Variants in LAMP3 observed in about 807,000 individuals in gnomAD.
LAMP3 encodes lysosome-associated membrane glycoprotein 3.
In LAMP3, 26 loss-of-function variants were observed where a neutral mutation model predicts 34.8. The observed-to-expected ratio is 0.75, with a 90% CI of 0.55 to 1.04. The LOEUF (loss-of-function observed/expected upper bound fraction) is 1.04. LAMP3 is among the 50% of genes least tolerant of loss of function. LAMP3 has a pLI of 0.00. For synonymous variants in LAMP3, 180 were observed against 201.9 expected, an observed-to-expected ratio of 0.89 and a Z score of 0.92; for missense variants, 495 against 524.0, an observed-to-expected ratio of 0.94 and a Z score of 0.54.
At position 183,154,000 on chromosome 3, in the gene LAMP3, G is replaced by A. The variant is rs950454678; in HGVS notation, c.441C>T (p.Thr147=). 6.2e-7 allele frequency: 1 copy of A among 1,614,182 alleles called. No homozygotes were observed. Among genetic ancestry groups the A allele is most frequent in the Non-Finnish European group, 8.5e-7 (1 of 1,180,038 alleles). The part of the protein sequence containing the change: ...TITPPAHTTG[T]SSSTVSHTTG... The stretch of plus-strand genomic sequence containing the variant: ...TTGTGTGGCTGACGGTTGATGAACT[G>A]GTTCCAGTTGTATGAGCTGGTGGGG... The change falls in exon 2 of 6, where the codon ACC becomes ACT. Residue 147 remains threonine (T), a synonymous_variant. Transcript: ENST00000265598.
chr3:183,130,557 C>T (rs1250359701), intron 5 of LAMP3, among the ~76,000 whole-genome samples: 5 of 152,180 alleles, frequency 3.3e-5, no homozygotes, highest in Admixed American at 6.5e-5. Flanking sequence ...CATGCTTGAG[C>T]GTGGCAGTCG....
At position 183,153,879 on chromosome 3, in the gene LAMP3, G is replaced by T; in HGVS notation, c.562C>A (p.Pro188Thr). ...GCCGTTGTTCCTGGGGCATGGGTGG[G>T]TTGAACAGGCTTCTGACCGGTTGTG... The part of the protein sequence containing the change: ...KSTTGQKPVQ[P>T]THAPGTTAAA... Residue 188 changes from proline to threonine, a missense_variant, in exon 2 of 6, where the codon CCC becomes ACC. Coordinates refer to ENST00000265598, the MANE Select transcript of LAMP3 (RefSeq NM_014398.4). 6.2e-7 allele frequency: 1 copy of T among 1,613,996 alleles called. No individual in the cohort carries two copies. The highest frequency in any genetic ancestry group is 1.6e-4 in the Middle Eastern group (1 of 6,062).
chr3:183,154,263 G>A lies in LAMP3; in HGVS notation c.178C>T (p.Pro60Ser). The change falls in exon 2 of 6, where the codon CCT (proline) becomes TCT (serine). Residue 60 changes from proline (P) to serine (S), a missense_variant. Pro to Ser is a moderately conservative substitution (Grantham distance 74). Coordinates refer to ENST00000265598, the MANE Select transcript of LAMP3 (RefSeq NM_014398.4). ...AATCTTGCTGCTAAAGTTTGGTGAG[G>A]TGCTTGCTTAGCTGGTTGCTGGACA... is the stretch of plus-strand genomic sequence containing the variant. ...KPVQQPAKQA[P>S]HQTLAARFMD... 1 of 1,614,146 alleles carries A rather than the reference G, an allele frequency of 6.2e-7. No individual in the cohort carries two copies. The highest frequency in any genetic ancestry group is 8.5e-7 in the Non-Finnish European group (1 of 1,180,030).
Position 183,133,528 on chromosome 3 carries a change from G to A in LAMP3, c.1117+2189C>T, listed in dbSNP as rs187395385. On this transcript the variant is annotated intron_variant, in intron 5 of 5. Coordinates refer to ENST00000265598, the MANE Select transcript of LAMP3 (RefSeq NM_014398.4). ...TACCACCATGCCGGGCTAGTTTTTT[G>A]TATGTTTAGTAGAGATGGGGTTTTG... Among the ~76,000 whole-genome samples, 189 of 152,180 alleles carry A rather than the reference G, an allele frequency of 1.2e-3. 1 individual carries two copies. Among genetic ancestry groups the A allele is most frequent in the African/African-American group, 4.4e-3 (182 of 41,502 alleles).
chr3:183,150,873 A>G (rs1576884394), intron 3 of LAMP3, among the ~76,000 whole-genome samples: 1 of 151,926 alleles, frequency 6.6e-6, no homozygotes, highest in Non-Finnish European at 1.5e-5. Context: ...TTTAACTTCA[A>G]TTTTCCAGGG....
chr3:183,161,572 G>A (rs1020245162), intron 1 of LAMP3, among the ~76,000 whole-genome samples: 3 of 152,010 alleles, frequency 2.0e-5, no homozygotes, highest in Admixed American at 6.5e-5. Flanking sequence ...TGTATTTTTA[G>A]TAGAGGCGGG....
intron 5 of LAMP3, among the ~76,000 whole-genome samples, chr3:183,131,427 T>C (rs905001081): frequency 3.3e-5 from 5 of 152,014 alleles, no homozygotes; most frequent in Admixed American, 3.3e-4. Flanking sequence ...AAGGAGGAGG[T>C]GGAAGGAGAT....
chr3:183,147,686 G>C (rs1720488705), intron 3 of LAMP3, among the ~76,000 whole-genome samples: 1 of 150,482 alleles, frequency 6.6e-6, no homozygotes, highest in Non-Finnish European at 1.5e-5. Flanking sequence ...TTGAATTCAG[G>C]GTCCCTGTTT....
chr3:183,152,363 C>A lies in LAMP3; in HGVS notation c.888+12G>T, dbSNP rs537198775. 6.3e-7 allele frequency: 1 copy of A among 1,599,978 alleles called. No homozygotes were observed. The highest frequency in any genetic ancestry group is 2.3e-5 in the East Asian group (1 of 44,248). The stretch of plus-strand genomic sequence containing the variant: ...ACCAGATGCAGTTTGTGCAAAGGAG[C>A]TCAGGCCTCACCTTGGTAAATGTGA... On this transcript the variant is annotated intron_variant, in intron 3 of 5. Coordinates refer to ENST00000265598, the MANE Select transcript of LAMP3 (RefSeq NM_014398.4).
intron 5 of LAMP3, among the ~76,000 whole-genome samples, chr3:183,128,445 T>C (rs1461745477): frequency 6.6e-6 from 1 of 152,244 alleles, no homozygotes; most frequent in East Asian, 1.9e-4. Context: ...TGTAGCTGTA[T>C]AGGATTCCAT....
At chr3:183,126,102 A>G (rs917677338) in intron 5 of LAMP3, among the ~76,000 whole-genome samples, 1 of 152,226 alleles carries the variant, frequency 6.6e-6, no homozygotes, top group Non-Finnish European at 1.5e-5. Context: ...AAATTATCCC[A>G]AAGATATATT....
chr3:183,145,472 G>A (rs1170098017), intron 3 of LAMP3, among the ~76,000 whole-genome samples: 1 of 152,164 alleles, frequency 6.6e-6, no homozygotes, highest in Non-Finnish European at 1.5e-5. Context: ...CAAAGCGAAT[G>A]ATATGGATAA....
At chr3:183,144,545 G>T (rs1720383390) in intron 3 of LAMP3, among the ~76,000 whole-genome samples, 1 of 152,142 alleles carries the variant, frequency 6.6e-6, no homozygotes, top group East Asian at 1.9e-4. Context: ...TCTAGGCAGA[G>T]GGAAAAGTAC....
intron 5 of LAMP3, among the ~76,000 whole-genome samples, chr3:183,131,457 G>T (rs911738418): frequency 1.3e-5 from 2 of 152,284 alleles, no homozygotes; most frequent in Admixed American, 1.3e-4. Context: ...CCAAAGCCAA[G>T]CTCTTGCTGT....
intron 5 of LAMP3, chr3:183,132,316 A>G (rs1334499845): frequency 2.2e-6 from 2 of 923,524 alleles, no homozygotes; most frequent in Non-Finnish European, 2.6e-6. Flanking sequence ...AAGATCATCT[A>G]TAATTTAAGT....
At chr3:183,151,218 C>T (rs1720619731) in intron 3 of LAMP3, among the ~76,000 whole-genome samples, 1 of 152,128 alleles carries the variant, frequency 6.6e-6, no homozygotes, top group Admixed American at 6.5e-5. Flanking sequence ...CAGCTAATCC[C>T]AGCTGCAAGG....
At position 183,132,753 on chromosome 3, in the gene LAMP3, A is replaced by G. The variant is rs774398972; in HGVS notation, c.1117+2964T>C. On this transcript the variant is annotated intron_variant, in intron 5 of 5. Transcript: ENST00000265598. ...CGAGACAGGTCAATCCTTTCACTTCAGGCTGAATATGATGCTGGAATTCCC... is the reference window on the plus strand; with the variant it reads ...CGAGACAGGTCAATCCTTTCACTTCGGGCTGAATATGATGCTGGAATTCCC... 299 of 985,328 alleles carry G rather than the reference A, an allele frequency of 3.0e-4. 1 individual carries two copies. The highest frequency in any genetic ancestry group is 3.5e-4 in the Non-Finnish European group (289 of 829,948). 61.0% of individuals were successfully genotyped at this position (985,328 alleles called of 1,614,324 possible). A position where few individuals can be genotyped will look rare whatever the true frequency, so the allele number is the denominator to read the frequency against.
At chr3:183,162,463 A>G in intron 1 of LAMP3, 144 bp downstream of exon 1, 1 of 800,178 alleles carries the variant, frequency 1.2e-6, no homozygotes, top group Non-Finnish European at 2.1e-6. Context: ...CTCACGGAAA[A>G]CAAGTTCCAG....
chr3:183,134,160 G>A (rs565803628), intron 5 of LAMP3, among the ~76,000 whole-genome samples: 1 of 152,316 alleles, frequency 6.6e-6, no homozygotes, highest in East Asian at 1.9e-4. Context: ...AGATGGCGTT[G>A]AGTTGATACG....
Sources: gnomAD v4.1 joint callset for allele counts (sites outside exome capture counted in the v4.1 genomes callset) on GRCh38, gnomAD v4.1.1 for gene constraint, MANE v1.5 for transcripts, NCBI Gene and HGNC (gene_info 2026-07-23, HGNC 2026-07-21) for gene names.